Variants in PITPNC1 observed in about 807,000 individuals in gnomAD.
PITPNC1 encodes phosphatidylinositol transfer protein cytoplasmic 1.
PITPNC1 carries 18 observed loss-of-function variants against 44.7 expected under a neutral mutation model. The observed-to-expected ratio is 0.40, with a 90% confidence interval of 0.28 to 0.60. PITPNC1 has a LOEUF of 0.60. Ranked by LOEUF, PITPNC1 falls within the 20% of genes least tolerant of loss-of-function variation. PITPNC1 has a pLI of 0.39. For synonymous variants in PITPNC1, 141 were observed against 149.6 expected (o/e 0.94, Z 0.42); for missense variants, 290 against 418.4 (o/e 0.69, Z 2.68).
intron 8 of PITPNC1, among the ~76,000 whole-genome samples, chr17:67,677,046 G>T (rs530711534): frequency 6.6e-6 from 1 of 152,054 alleles, no homozygotes; most frequent in African/African-American, 2.4e-5. Context: ...GAGGCAGGCA[G>T]GAGAGTCTCC....
At chr17:67,552,435 G>T in intron 3 of PITPNC1, 90 bp downstream of exon 3, 2 of 791,412 alleles carry the variant, frequency 2.5e-6, no homozygotes, top group Non-Finnish European at 4.5e-6. Context: ...GATTATCCAA[G>T]CAGGGCCTTG....
At chr17:67,442,421 G>C (rs2143926126) in intron 1 of PITPNC1, among the ~76,000 whole-genome samples, 1 of 151,066 alleles carries the variant, frequency 6.6e-6, no homozygotes, top group Middle Eastern at 3.4e-3. Flanking sequence ...GACGAGGGTG[G>C]GATGGGCATT....
chr17:67,446,494 C>T (rs986845750), intron 1 of PITPNC1, among the ~76,000 whole-genome samples: 1 of 147,252 alleles, frequency 6.8e-6, no homozygotes, highest in Non-Finnish European at 1.5e-5. Flanking sequence ...GAGTATGGTA[C>T]AAAAATAATT....
At chr17:67,596,635 T>G (rs1388949517) in intron 5 of PITPNC1, among the ~76,000 whole-genome samples, 1 of 151,858 alleles carries the variant, frequency 6.6e-6, no homozygotes, top group Non-Finnish European at 1.5e-5. Context: ...CTCGGCCTCC[T>G]GAGTAGCTGG....
chr17:67,540,848 T>C (rs2040596485), intron 2 of PITPNC1, among the ~76,000 whole-genome samples: 1 of 152,224 alleles, frequency 6.6e-6, no homozygotes, highest in Non-Finnish European at 1.5e-5. Flanking sequence ...TAAGCCAACA[T>C]CTGGCTAAAT....
intron 1 of PITPNC1, among the ~76,000 whole-genome samples, chr17:67,469,102 T>C (rs763932829): frequency 4.9e-4 from 74 of 152,160 alleles, no homozygotes; most frequent in Non-Finnish European, 9.3e-4. Context: ...TAAGGGCCTG[T>C]CACCTACATG....
intron 1 of PITPNC1, among the ~76,000 whole-genome samples, chr17:67,513,399 C>CTA (rs1016381351): frequency 2.8e-5 from 4 of 144,020 alleles, no homozygotes; most frequent in African/African-American, 1.0e-4. Flanking sequence ...ATATCTATAT[C>CTA]TATATCTACA....
chr17:67,568,355 G>A (rs1254989104), intron 4 of PITPNC1, among the ~76,000 whole-genome samples: 5 of 152,104 alleles, frequency 3.3e-5, no homozygotes, highest in Non-Finnish European at 7.4e-5. Flanking sequence ...AGGCGGGAAT[G>A]GGGACGTGAC....
chr17:67,587,787 A>T (rs2041339504), intron 5 of PITPNC1, among the ~76,000 whole-genome samples: 1 of 152,184 alleles, frequency 6.6e-6, no homozygotes, highest in South Asian at 2.1e-4. Context: ...GAGAGATCTA[A>T]TTTCTCCCCC....
intron 5 of PITPNC1, among the ~76,000 whole-genome samples, chr17:67,624,567 C>A (rs2364965): frequency 0.1 from 15,463 of 151,178 alleles, 808 homozygotes; most frequent in Admixed American, 0.14. Context: ...TTATTTATAC[C>A]GAGTCTTGCT....
At chr17:67,646,115 ACT>A (rs1157642512) in intron 6 of PITPNC1, among the ~76,000 whole-genome samples, 8 of 152,092 alleles carry the variant, frequency 5.3e-5, no homozygotes, top group Non-Finnish European at 2.9e-5. Context: ...AACAAGTGAG[ACT>A]CTGTCTGAAA....
chr17:67,541,987 G>A (rs1389789382), intron 2 of PITPNC1, among the ~76,000 whole-genome samples: 1 of 152,232 alleles, frequency 6.6e-6, no homozygotes, highest in African/African-American at 2.4e-5. Flanking sequence ...TCATCAGGGT[G>A]TCCTGAAGCA....
intron 1 of PITPNC1, among the ~76,000 whole-genome samples, chr17:67,385,633 G>A (rs1377041788): frequency 6.6e-6 from 1 of 152,150 alleles, no homozygotes; most frequent in Non-Finnish European, 1.5e-5. Flanking sequence ...GAAGGTCCGC[G>A]GCTTCATTCT....
At chr17:67,490,858 A>G (rs1432808200) in intron 1 of PITPNC1, among the ~76,000 whole-genome samples, 2 of 152,082 alleles carry the variant, frequency 1.3e-5, no homozygotes, top group Non-Finnish European at 2.9e-5. Flanking sequence ...TGATGCCAAG[A>G]GCTGTTTATA....
rs577447030 is a variant in PITPNC1, at chr17:67,574,558, A to C, written c.295-3628A>C. Among the ~76,000 whole-genome samples, 66 of 152,316 alleles carry C rather than the reference A, an allele frequency of 4.3e-4. 1 individual carries two copies. Among genetic ancestry groups the C allele is most frequent in the African/African-American group, 1.4e-3 (59 of 41,570 alleles). On this transcript the variant is annotated intron_variant, in intron 4 of 8. Coordinates refer to ENST00000581322, the MANE Select transcript of PITPNC1 (RefSeq NM_012417.4). ...AGATATAACAGGGAGCCAATCAGGA[A>C]GAAATAAAAGACCTTGCTTTAAAGC...
chr17:67,481,285 C>T (rs1402180219), intron 1 of PITPNC1, among the ~76,000 whole-genome samples: 1 of 152,182 alleles, frequency 6.6e-6, no homozygotes, highest in Non-Finnish European at 1.5e-5. Flanking sequence ...CACAACTTGC[C>T]GTCTCAAGGC....
intron 1 of PITPNC1, among the ~76,000 whole-genome samples, chr17:67,525,634 G>A (rs1429605992): frequency 2.6e-5 from 4 of 152,054 alleles, no homozygotes; most frequent in African/African-American, 4.8e-5. Context: ...ATGAAGCAAC[G>A]GTGGGCCAGA....
intron 1 of PITPNC1, among the ~76,000 whole-genome samples, chr17:67,434,647 C>G (rs2143904388): frequency 6.6e-6 from 1 of 151,548 alleles, no homozygotes; most frequent in South Asian, 2.1e-4. Flanking sequence ...CCCGTCTGTA[C>G]TAAAAATACA....
chr17:67,426,383 A>T (rs1161572324), intron 1 of PITPNC1, among the ~76,000 whole-genome samples: 2 of 152,242 alleles, frequency 1.3e-5, no homozygotes, highest in African/African-American at 4.8e-5. Context: ...GATAGACTGG[A>T]TAAAGAAAAT....
Sources: gnomAD v4.1 joint callset for allele counts (sites outside exome capture counted in the v4.1 genomes callset) on GRCh38, gnomAD v4.1.1 for gene constraint, MANE v1.5 for transcripts, NCBI Gene and HGNC (gene_info 2026-07-23, HGNC 2026-07-21) for gene names.